The following PRLR variants were observed in gnomAD, a reference collection of about 807,000 sequenced individuals.
PRLR encodes hPRL receptor.
In PRLR, 13 loss-of-function variants were observed where a neutral mutation model predicts 40.2. That is an observed-to-expected ratio of 0.32 (90% confidence interval 0.21 to 0.51). PRLR has a LOEUF of 0.51. Among genes scored for constraint, PRLR ranks in the 20% least tolerant of loss-of-function variants. The probability of loss-of-function intolerance (pLI) is 0.97; values close to 1 mark genes in which losing one functional copy is unlikely to be tolerated. For synonymous variants in PRLR, 269 were observed against 278.7 expected (o/e 0.97, Z 0.35); for missense variants, 656 against 747.3 (o/e 0.88, Z 1.42).
intron 2 of PRLR, among the ~76,000 whole-genome samples, chr5:35,113,895 G>C (rs1295224411): frequency 6.6e-6 from 1 of 152,156 alleles, no homozygotes; most frequent in African/African-American, 2.4e-5. Flanking sequence ...AGACACTGCT[G>C]GTTGCTTCTC....
chr5:35,179,075 A>G (rs1254047081), intron 1 of PRLR, among the ~76,000 whole-genome samples: 1 of 152,176 alleles, frequency 6.6e-6, no homozygotes, highest in African/African-American at 2.4e-5. Context: ...ACACCTAAGG[A>G]GCCCTATCCC....
chr5:35,225,215 C>T (rs1410957467), intron 1 of PRLR, among the ~76,000 whole-genome samples: 1 of 152,136 alleles, frequency 6.6e-6, no homozygotes, highest in Non-Finnish European at 1.5e-5. Context: ...TTGAAAGCCT[C>T]TTGAGATTTA....
intron 1 of PRLR, among the ~76,000 whole-genome samples, chr5:35,140,257 A>G (rs1773978935): frequency 6.6e-6 from 1 of 152,244 alleles, no homozygotes; most frequent in African/African-American, 2.4e-5. Context: ...GTAATAAATG[A>G]AGAAAAAGGG....
At chr5:35,226,586 CTT>C (rs1776558839) in intron 1 of PRLR, among the ~76,000 whole-genome samples, 1 of 152,182 alleles carries the variant, frequency 6.6e-6, no homozygotes, top group Non-Finnish European at 1.5e-5. Context: ...AGAACTTTCT[CTT>C]GAGAGTTCTG....
intron 2 of PRLR, among the ~76,000 whole-genome samples, chr5:35,106,462 G>C (rs903558834): frequency 6.6e-6 from 1 of 152,188 alleles, no homozygotes; most frequent in African/African-American, 2.4e-5. Flanking sequence ...ACCCATCAGT[G>C]TGCTGTATTC....
chr5:35,214,854 T>G (rs1279972790), intron 1 of PRLR, among the ~76,000 whole-genome samples: 1 of 152,168 alleles, frequency 6.6e-6, no homozygotes, highest in East Asian at 1.9e-4. Context: ...CTGAGGAGAT[T>G]AGAAAGTATG....
At chr5:35,126,667 T>C (rs1773480208) in intron 1 of PRLR, among the ~76,000 whole-genome samples, 1 of 152,218 alleles carries the variant, frequency 6.6e-6, no homozygotes, top group African/African-American at 2.4e-5. Context: ...GTAAGTTCCT[T>C]GAGTCTTATT....
rs1410108256 is a variant in PRLR at position 35,049,038 on chromosome 5, A to G, written c.*249T>C. On this transcript the variant is annotated 3_prime_UTR_variant, in exon 9 of 9. Transcript: ENST00000231423. ...CCCATAGGAGGTGAAGGCACTAGGT[A>G]AGCAGAGGGAGTATGTTACATTCAA... 5.2e-6 allele frequency: 3 copies of G among 572,384 alleles called. No individual in the cohort carries two copies. In the African/African-American group the frequency reaches 5.5e-5, roughly 11 times the overall value. 35.5% of individuals were successfully genotyped at this position (572,384 alleles called of 1,614,324 possible).
intron 2 of PRLR, among the ~76,000 whole-genome samples, chr5:35,115,191 C>G (rs551524781): frequency 6.6e-6 from 1 of 152,144 alleles, no homozygotes; most frequent in East Asian, 1.9e-4. Context: ...TAAATTGCTA[C>G]AAGTAGCTAC....
At chr5:35,136,550 G>A (rs1773863169) in intron 1 of PRLR, among the ~76,000 whole-genome samples, 1 of 152,128 alleles carries the variant, frequency 6.6e-6, no homozygotes, top group Admixed American at 6.5e-5. Context: ...CACTGCCCTA[G>A]AAGTTGACTG....
At chr5:35,173,212 TC>T (rs1775051327) in intron 1 of PRLR, among the ~76,000 whole-genome samples, 1 of 152,208 alleles carries the variant, frequency 6.6e-6, no homozygotes, top group Non-Finnish European at 1.5e-5. Flanking sequence ...GGTCTTGTTT[TC>T]CATGGACACC....
At chr5:35,121,472 A>C (rs1773290146) in intron 1 of PRLR, among the ~76,000 whole-genome samples, 2 of 151,820 alleles carry the variant, frequency 1.3e-5, no homozygotes, top group South Asian at 2.1e-4. Context: ...TGTCAGCCTG[A>C]CTCTTTAAAT....
At position 35,102,021 on chromosome 5, in the gene PRLR, G is replaced by A. The variant is rs187988322; in HGVS notation, c.-43-12358C>T. Among the ~76,000 whole-genome samples the A allele has an allele frequency of 5.7e-3, 860 of 151,898 alleles. 11 individuals carry two copies. The highest frequency in any genetic ancestry group is 7.9e-3 in the Non-Finnish European group (536 of 67,970). The stretch of plus-strand genomic sequence containing the variant: ...TTTTTTGTTTTTTTAGTAGAGACAG[G>A]GTTTCACCCTGTTGGCCGGGGTGGT... On this transcript the variant is annotated intron_variant, in intron 2 of 9. Transcript: ENST00000618457.
intron 5 of PRLR, among the ~76,000 whole-genome samples, chr5:35,077,161 TATC>T (rs1236987253): frequency 2.6e-5 from 4 of 152,090 alleles, no homozygotes; most frequent in African/African-American, 7.2e-5. Context: ...AACCAGCTAA[TATC>T]ATAATGACAG....
chr5:35,158,219 G>T (rs1774567078), intron 1 of PRLR, among the ~76,000 whole-genome samples: 1 of 152,202 alleles, frequency 6.6e-6, no homozygotes, highest in African/African-American at 2.4e-5. Flanking sequence ...TACTGAAATT[G>T]CTCGTATGCC....
intron 2 of PRLR, among the ~76,000 whole-genome samples, chr5:35,113,890 C>CT (rs749939391): frequency 2.6e-5 from 4 of 152,180 alleles, no homozygotes; most frequent in Non-Finnish European, 4.4e-5. Context: ...CTGGCAGACA[C>CT]TGCTGGTTGC....
intron 1 of PRLR, among the ~76,000 whole-genome samples, chr5:35,152,082 T>C (rs746710928): frequency 2.0e-5 from 3 of 152,214 alleles, no homozygotes; most frequent in Non-Finnish European, 4.4e-5. Context: ...TTCAGTTTTT[T>C]GGTGTTAATA....
At chr5:35,085,121 C>A (rs931681708) in intron 4 of PRLR, among the ~76,000 whole-genome samples, 3 of 152,152 alleles carry the variant, frequency 2.0e-5, no homozygotes, top group South Asian at 4.1e-4. Flanking sequence ...TGATGTTGGT[C>A]CATTTCAGAC....
chr5:35,220,311 G>C (rs1407835419), intron 1 of PRLR, among the ~76,000 whole-genome samples: 34 of 152,082 alleles, frequency 2.2e-4, no homozygotes. Context: ...TCTCATTTCT[G>C]TTTCCTGAAC....
Sources: gnomAD v4.1 joint callset for allele counts (sites outside exome capture counted in the v4.1 genomes callset) on GRCh38, gnomAD v4.1.1 for gene constraint, MANE v1.5 for transcripts, NCBI Gene and HGNC (gene_info 2026-07-23, HGNC 2026-07-21) for gene names.